Variants in MTHFD1L observed in about 807,000 individuals in gnomAD.
MTHFD1L encodes monofunctional C1-tetrahydrofolate synthase, mitochondrial.
Under a neutral mutation model 119.5 loss-of-function variants are expected in MTHFD1L, and 81 were observed. That is an observed-to-expected ratio of 0.68 (90% CI 0.57 to 0.82). The LOEUF is 0.82. Ranked by LOEUF, MTHFD1L falls within the 40% of genes least tolerant of loss-of-function variation. MTHFD1L has a pLI of 0.00. For synonymous variants in MTHFD1L, 430 were observed against 475.2 expected (o/e 0.90, Z 1.24); for missense variants, 1,125 against 1,253.4 (o/e 0.90, Z 1.55).
At chr6:151,044,038 TTAGATGGTAGTCAGTGCCATG>T (rs571932575) in intron 26 of MTHFD1L, among the ~76,000 whole-genome samples, 200 of 152,264 alleles carry the variant, frequency 1.3e-3, no homozygotes, top group African/African-American at 4.4e-3. Flanking sequence ...CCAGAAGCAT[TTAGATGGTAGTCAGTGCCATG>T]TAGGGCACCT....
Position 151,039,997 on chromosome 6 carries a change from T to C in MTHFD1L, c.2847+2880T>C, listed in dbSNP as rs1229859751. ...AGAATGGCCTCAGTGATGGCCACTT[T>C]ACTCCTGAGCTTTAGCTGGTGAAAG... On this transcript the variant is annotated intron_variant, in intron 26 of 27. Coordinates refer to ENST00000367321, the MANE Select transcript of MTHFD1L (RefSeq NM_015440.5). The surrounding 1 kb of genome is among the most constrained non-coding windows in gnomAD (Gnocchi z 4.4). Among the ~76,000 whole-genome samples, 1 of 152,150 alleles carries C rather than the reference T, an allele frequency of 6.6e-6. No individual in the cohort carries two copies.
intron 26 of MTHFD1L, among the ~76,000 whole-genome samples, chr6:151,053,718 G>T (rs1789438806): frequency 6.6e-6 from 1 of 151,940 alleles, no homozygotes; most frequent in South Asian, 2.1e-4. Flanking sequence ...AAATTAGCTG[G>T]GCATGGTGTT....
At chr6:151,088,749 G>A (rs1485154251) in intron 26 of MTHFD1L, among the ~76,000 whole-genome samples, 2 of 151,626 alleles carry the variant, frequency 1.3e-5, no homozygotes, top group East Asian at 3.9e-4. Context: ...GAGCCACTGC[G>A]CCCGGCCTGG....
chr6:151,045,963 C>T lies in MTHFD1L; in HGVS notation c.2847+8846C>T, dbSNP rs1364322687. On this transcript the variant is annotated intron_variant, in intron 26 of 27. Transcript: ENST00000367321. The stretch of plus-strand genomic sequence containing the variant: ...GTTCAGGAGGAAGGAAAGTAACCAG[C>T]GTCGTTCTCAATTTCCAGAAACTGT... 3.9e-5 allele frequency among the ~76,000 whole-genome samples: 6 copies of T among 152,138 alleles called. No individual in the cohort carries two copies. The East Asian group carries it at 9.6e-4, about 24-fold the overall frequency.
chr6:151,083,474 G>C (rs61238823), intron 26 of MTHFD1L, among the ~76,000 whole-genome samples: 5,241 of 152,274 alleles, frequency 0.034, 290 homozygotes, highest in African/African-American at 0.12. Context: ...GGGATTACAG[G>C]CGTGAGCCAC....
intron 17 of MTHFD1L, among the ~76,000 whole-genome samples, chr6:150,959,897 C>T (rs1054435680): frequency 6.6e-6 from 1 of 152,212 alleles, no homozygotes; most frequent in South Asian, 2.1e-4. Context: ...ATGGCACTTA[C>T]GGTCCAGTGG....
chr6:151,028,705 A>G (rs559316436), intron 24 of MTHFD1L, among the ~76,000 whole-genome samples: 1 of 152,326 alleles, frequency 6.6e-6, no homozygotes, highest in South Asian at 2.1e-4. Context: ...TGCTAAATAC[A>G]GAGAGTTCTG....
chr6:151,016,480 T>C (rs150833637), intron 24 of MTHFD1L, among the ~76,000 whole-genome samples: 9,853 of 151,598 alleles, frequency 0.065, 1,051 homozygotes, highest in African/African-American at 0.23. Flanking sequence ...TGCCAACACG[T>C]CTGGCTAAGT....
chr6:150,871,551 G>T (rs915815659), intron 1 of MTHFD1L, among the ~76,000 whole-genome samples: 9 of 142,866 alleles, frequency 6.3e-5, no homozygotes, highest in Admixed American at 2.1e-4. Context: ...GCCCAGGCTG[G>T]ACTGCAGTGC....
rs1778414983 is a variant in MTHFD1L at position 150,987,065 on chromosome 6, CT to C, written c.2125+15011del. 3.3e-5 allele frequency among the ~76,000 whole-genome samples: 5 copies of C among 152,210 alleles called. No individual in the cohort carries two copies. In the South Asian group the frequency reaches 1.0e-3, roughly 32 times the overall value. On this transcript the variant is annotated intron_variant, in intron 20 of 27. Transcript: ENST00000367321. ...ATTATGAAGAAAAACAGAAACAAGG[CT>C]TTTAATGTTAAAGTCTTATTTTCTC...
At chr6:150,889,875 G>T (rs1302080407) in intron 7 of MTHFD1L, among the ~76,000 whole-genome samples, 1 of 152,156 alleles carries the variant, frequency 6.6e-6, no homozygotes, top group Non-Finnish European at 1.5e-5. Context: ...TATATGATAT[G>T]GCCAGGCATG....
chr6:150,976,746 T>C (rs1473937806), intron 20 of MTHFD1L, among the ~76,000 whole-genome samples: 1 of 152,188 alleles, frequency 6.6e-6, no homozygotes, highest in African/African-American at 2.4e-5. Context: ...TTTGCAAAGA[T>C]AGTAGACAAT....
At chr6:151,100,051 T>A in intron 27 of MTHFD1L, 1 of 591,496 alleles carries the variant, frequency 1.7e-6, no homozygotes, top group South Asian at 2.1e-5. Flanking sequence ...TTTTTTTTTT[T>A]GAGACGCAGT....
Position 151,066,722 on chromosome 6 carries a change from G to A in MTHFD1L, c.2848-25745G>A, listed in dbSNP as rs190088377. Among the ~76,000 whole-genome samples the A allele has an allele frequency of 3.9e-3, 588 of 149,508 alleles. 6 individuals carry two copies. Among genetic ancestry groups the A allele is most frequent in the South Asian group, 7.9e-3 (37 of 4,708 alleles). ...GGAGCTTGCAGTGAGCCAAGATTGC[G>A]CCATTGCATTCCAGCCTGGGCAATA... On this transcript the variant is annotated intron_variant, in intron 26 of 27. Transcript: ENST00000367321.
intron 16 of MTHFD1L, among the ~76,000 whole-genome samples, chr6:150,955,538 C>T (rs368049041): frequency 7.0e-6 from 1 of 142,538 alleles, no homozygotes. Flanking sequence ...CTCACTCTGT[C>T]GCCCAGGCTG....
chr6:151,095,931 T>C (rs1794860686), intron 27 of MTHFD1L, among the ~76,000 whole-genome samples: 1 of 152,230 alleles, frequency 6.6e-6, no homozygotes, highest in African/African-American at 2.4e-5. Context: ...GTATTTTTGT[T>C]GAAGAGCTGC....
intron 17 of MTHFD1L, among the ~76,000 whole-genome samples, chr6:150,958,350 G>GTT (rs1795941949): frequency 6.6e-6 from 1 of 152,116 alleles, no homozygotes; most frequent in South Asian, 2.1e-4. Flanking sequence ...CATGTAGAGT[G>GTT]TTTGCAGTTT....
chr6:150,941,341 G>A (rs1420296148), intron 13 of MTHFD1L, among the ~76,000 whole-genome samples: 6 of 152,194 alleles, frequency 3.9e-5, no homozygotes, highest in African/African-American at 1.2e-4. Flanking sequence ...TCTGTCGAGC[G>A]ATTGCAATTT....
chr6:150,954,998 A>T (rs1795408260), intron 16 of MTHFD1L, among the ~76,000 whole-genome samples: 1 of 149,958 alleles, frequency 6.7e-6, no homozygotes, highest in African/African-American at 2.5e-5. Flanking sequence ...CCACAATTCT[A>T]CTTTATTTAC....
Sources: allele counts gnomAD v4.1 joint callset (sites outside exome capture counted in the v4.1 genomes callset), GRCh38; gene constraint gnomAD v4.1.1; non-coding constraint Gnocchi (gnomAD v3.1); transcripts MANE v1.5; gene names NCBI Gene and HGNC (gene_info 2026-07-23, HGNC 2026-07-21).